The following SSH2 variants were observed in gnomAD, a reference collection of about 807,000 sequenced individuals.
The protein encoded by SSH2 is slingshot protein phosphatase 2.
A neutral mutation model predicts 135.2 loss-of-function variants in SSH2; 37 were observed. The ratio of observed to expected loss-of-function variants is 0.27; its 90% CI spans 0.21 to 0.36. The LOEUF is 0.36. Ranked by LOEUF, SSH2 falls within the 10% of genes least tolerant of loss-of-function variation. The pLI, the probability that SSH2 is intolerant of heterozygous loss-of-function variation, is 1.00. For missense variants in SSH2, 1,408 were observed against 1,765.3 expected (o/e 0.80, Z 3.63); for synonymous variants, 628 against 646.2 (o/e 0.97, Z 0.43).
chr17:29,703,165 C>A (rs2039056958), intron 3 of SSH2, 103 bp from the exon 4 acceptor site: 1 of 791,748 alleles, frequency 1.3e-6, no homozygotes, highest in African/African-American at 1.7e-5. Flanking sequence ...TCCAAAGTCC[C>A]AACTTCATGG....
intron 2 of SSH2, among the ~76,000 whole-genome samples, chr17:29,798,576 T>A (rs1048942821): frequency 6.6e-6 from 1 of 152,200 alleles, no homozygotes; most frequent in African/African-American, 2.4e-5. Flanking sequence ...TTATGCATAT[T>A]ACATAACCTC....
chr17:29,761,274 T>A (rs745857997), intron 3 of SSH2: 1 of 1,287,614 alleles, frequency 7.8e-7, no homozygotes. Flanking sequence ...GTGCTCAGGG[T>A]CATGGGGCCG....
intron 2 of SSH2, among the ~76,000 whole-genome samples, chr17:29,795,374 TTTA>T (rs1385543459): frequency 2.0e-5 from 3 of 152,246 alleles, no homozygotes; most frequent in Non-Finnish European, 4.4e-5. Context: ...TCTCTCTTTT[TTTA>T]TTTTCCACAA....
At chr17:29,889,541 C>G (rs2066307770) in intron 1 of SSH2, among the ~76,000 whole-genome samples, 4 of 151,910 alleles carry the variant, frequency 2.6e-5, no homozygotes, top group Admixed American at 2.6e-4. Flanking sequence ...GCTATGACAC[C>G]AAAAGCATGA....
chr17:29,834,489 G>T (rs945157439), intron 2 of SSH2, among the ~76,000 whole-genome samples: 1 of 151,968 alleles, frequency 6.6e-6, no homozygotes, highest in Non-Finnish European at 1.5e-5. Flanking sequence ...AACACATTAT[G>T]TATTATAGAA....
intron 5 of SSH2, among the ~76,000 whole-genome samples, chr17:29,693,914 T>C (rs1380410756): frequency 1.3e-5 from 2 of 152,196 alleles, no homozygotes; most frequent in African/African-American, 4.8e-5. Context: ...TCCCACGGCA[T>C]TCTTTGGCTC....
chr17:29,890,680 G>T (rs915045031), intron 1 of SSH2, among the ~76,000 whole-genome samples: 1 of 152,186 alleles, frequency 6.6e-6, no homozygotes, highest in East Asian at 1.9e-4. Flanking sequence ...CTGAGGTGAT[G>T]AAAATTTTCA....
chr17:29,835,194 C>T (rs1302416129), intron 2 of SSH2, among the ~76,000 whole-genome samples: 1 of 152,226 alleles, frequency 6.6e-6, no homozygotes, highest in Non-Finnish European at 1.5e-5. Context: ...CTGCATCACA[C>T]TTCTACAGAA....
intron 9 of SSH2, among the ~76,000 whole-genome samples, chr17:29,669,900 G>C (rs76199426): frequency 2.3e-5 from 1 of 43,468 alleles, no homozygotes; most frequent in Non-Finnish European, 4.5e-5. Flanking sequence ...TTTTTTTTTT[G>C]AGACTGAGTC....
intron 14 of SSH2, among the ~76,000 whole-genome samples, chr17:29,646,588 C>T (rs1344747754): frequency 6.6e-6 from 1 of 152,144 alleles, no homozygotes; most frequent in Non-Finnish European, 1.5e-5. Context: ...CAACCTCCGT[C>T]TCCCGGGTTC....
chr17:29,845,000 G>A (rs2043107451), intron 2 of SSH2, among the ~76,000 whole-genome samples: 1 of 152,166 alleles, frequency 6.6e-6, no homozygotes, highest in South Asian at 2.1e-4. Context: ...TTTGTGAAGT[G>A]TAGATTATAC....
chr17:29,653,460 C>A (rs1169107772), intron 12 of SSH2, among the ~76,000 whole-genome samples: 1 of 152,188 alleles, frequency 6.6e-6, no homozygotes, highest in African/African-American at 2.4e-5. Flanking sequence ...TGGGTCTCAT[C>A]TCCAGCTGGG....
intron 3 of SSH2, among the ~76,000 whole-genome samples, chr17:29,734,685 T>C (rs1330425851): frequency 1.3e-5 from 2 of 152,226 alleles, no homozygotes; most frequent in East Asian, 1.9e-4. Context: ...AGCAATATTT[T>C]ACCCTAACAT....
intron 3 of SSH2, among the ~76,000 whole-genome samples, chr17:29,759,639 A>G (rs1306675740): frequency 6.6e-6 from 1 of 152,190 alleles, no homozygotes; most frequent in Non-Finnish European, 1.5e-5. Context: ...TGACTTCTAT[A>G]GATAGGTACC....
intron 1 of SSH2, among the ~76,000 whole-genome samples, chr17:29,913,356 A>AAAAAAAAAAAT (rs1567650094): frequency 1.4e-5 from 1 of 71,048 alleles, no homozygotes; most frequent in Non-Finnish European, 2.7e-5. Context: ...AAATATATAT[A>AAAAAAAAAAAT]TATATATATA....
intron 3 of SSH2, among the ~76,000 whole-genome samples, chr17:29,729,720 C>T (rs1384273970): frequency 6.6e-6 from 1 of 152,164 alleles, no homozygotes; most frequent in African/African-American, 2.4e-5. Flanking sequence ...GAATGAGGTC[C>T]TGTCTTTTGC....
intron 1 of SSH2, among the ~76,000 whole-genome samples, chr17:29,913,350 A>T (rs1323225439): frequency 3.2e-5 from 1 of 30,878 alleles, no homozygotes; most frequent in East Asian, 8.7e-4. Flanking sequence ...AAAAAAAAAT[A>T]TATATATATA....
intron 1 of SSH2, among the ~76,000 whole-genome samples, chr17:29,920,330 T>C (rs2066954632): frequency 6.6e-6 from 1 of 152,256 alleles, no homozygotes; most frequent in Non-Finnish European, 1.5e-5. Context: ...AACCTGAAGA[T>C]ACTTTTTGAG....
chr17:29,909,748 C>T (rs1005239661), intron 1 of SSH2, among the ~76,000 whole-genome samples: 1 of 152,156 alleles, frequency 6.6e-6, no homozygotes, highest in African/African-American at 2.4e-5. Context: ...AAAACCACCC[C>T]ATTACCAACC....
Sources: allele counts gnomAD v4.1 joint callset (sites outside exome capture counted in the v4.1 genomes callset), GRCh38; gene constraint gnomAD v4.1.1; transcripts MANE v1.5; gene names NCBI Gene and HGNC (gene_info 2026-07-23, HGNC 2026-07-21).